CTXND2: variants seen among roughly 807,000 people sequenced by gnomAD.
CTXND2 encodes the protein cortexin domain containing 2.
At chr1:150,896,827 C>T (rs765493870) in intron 1 of CTXND2, among the ~76,000 whole-genome samples, 6 of 152,098 alleles carry the variant, frequency 3.9e-5, no homozygotes, top group Non-Finnish European at 7.3e-5. Flanking sequence ...GATCCCTACT[C>T]TCATAAAGGA....
At chr1:150,895,445 G>A (rs1388665182) in intron 1 of CTXND2, among the ~76,000 whole-genome samples, 1 of 151,958 alleles carries the variant, frequency 6.6e-6, no homozygotes, top group Non-Finnish European at 1.5e-5. Flanking sequence ...TCAGGTTCAA[G>A]TGATCTTCCT....
At chr1:150,896,297 T>G (rs769325976) in intron 1 of CTXND2, among the ~76,000 whole-genome samples, 1 of 152,194 alleles carries the variant, frequency 6.6e-6, no homozygotes, top group Non-Finnish European at 1.5e-5. Context: ...AATCACTGGA[T>G]TCAGCCATAG....
At chr1:150,904,281 A>C in intron 1 of CTXND2, 1 of 462,526 alleles carries the variant, frequency 2.2e-6, no homozygotes, top group Non-Finnish European at 4.2e-6. Context: ...ACCATACTTT[A>C]ACAGAGCTTA....
intron 1 of CTXND2, among the ~76,000 whole-genome samples, chr1:150,889,823 C>T (rs587683325): frequency 1.2e-4 from 18 of 152,126 alleles, no homozygotes; most frequent in African/African-American, 4.1e-4. Context: ...TTCATGTAGA[C>T]GTATTAAATA....
chr1:150,897,850 T>C (rs1381653836), intron 1 of CTXND2, among the ~76,000 whole-genome samples: 1 of 152,214 alleles, frequency 6.6e-6, no homozygotes, highest in Non-Finnish European at 1.5e-5. Context: ...TTTTCTCTCA[T>C]CCTAGGTCTT....
At chr1:150,902,531 G>A (rs982741774) in intron 1 of CTXND2, among the ~76,000 whole-genome samples, 16 of 152,134 alleles carry the variant, frequency 1.1e-4, no homozygotes, top group Non-Finnish European at 2.1e-4. Flanking sequence ...TCGTGCCACT[G>A]CATTCCAGCC....
intron 1 of CTXND2, among the ~76,000 whole-genome samples, chr1:150,905,310 G>A (rs1669120933): frequency 6.6e-6 from 1 of 151,652 alleles, no homozygotes; most frequent in South Asian, 2.1e-4. Context: ...TGCCCAGCTA[G>A]TTTTTGTATT....
intron 1 of CTXND2, among the ~76,000 whole-genome samples, chr1:150,888,489 A>T (rs896188630): frequency 9.9e-5 from 15 of 151,822 alleles, no homozygotes; most frequent in Admixed American, 9.2e-4. Context: ...AAGTGTTGGG[A>T]TTACAGGGGT....
At chr1:150,893,275 GTGAA>G (rs1668875581) in intron 1 of CTXND2, among the ~76,000 whole-genome samples, 1 of 152,084 alleles carries the variant, frequency 6.6e-6, no homozygotes, top group South Asian at 2.1e-4. Context: ...AATGACGTCT[GTGAA>G]TAGTAAACTT....
intron 1 of CTXND2, chr1:150,904,014 A>G: frequency 1.5e-6 from 1 of 652,454 alleles, no homozygotes; most frequent in Non-Finnish European, 2.9e-6. Flanking sequence ...TTCAGTCAGA[A>G]GACAGGTCAG....
intron 1 of CTXND2, among the ~76,000 whole-genome samples, chr1:150,891,211 C>CTTTTTTTT (rs71090104): frequency 6.7e-6 from 1 of 148,174 alleles, no homozygotes; most frequent in Non-Finnish European, 1.5e-5. Context: ...TCTTTTCTTT[C>CTTTTTTTT]TTTTTTTTTT....
intron 1 of CTXND2, among the ~76,000 whole-genome samples, chr1:150,896,747 T>C (rs1668918220): frequency 6.6e-6 from 1 of 152,198 alleles, no homozygotes; most frequent in South Asian, 2.1e-4. Flanking sequence ...AGGGCTACAT[T>C]CATTCACTGA....
At chr1:150,903,050 A>C (rs587702530) in intron 1 of CTXND2, among the ~76,000 whole-genome samples, 34 of 152,240 alleles carry the variant, frequency 2.2e-4, no homozygotes, top group African/African-American at 6.5e-4. Flanking sequence ...CCCTCTTTGG[A>C]ACATAGGGCT....
chr1:150,904,619 C>T (rs1361727705), intron 1 of CTXND2, among the ~76,000 whole-genome samples: 1 of 152,078 alleles, frequency 6.6e-6, no homozygotes, highest in Non-Finnish European at 1.5e-5. Flanking sequence ...GCAAGATTCA[C>T]CTGTGTTTTG....
intron 1 of CTXND2, among the ~76,000 whole-genome samples, chr1:150,906,674 G>A (rs1669151690): frequency 6.6e-6 from 1 of 152,168 alleles, no homozygotes; most frequent in African/African-American, 2.4e-5. Context: ...TGCTGGCAGG[G>A]TTTATAGGTA....
At chr1:150,903,803 A>G (rs587602315) in intron 1 of CTXND2, 12 of 389,250 alleles carry the variant, frequency 3.1e-5, no homozygotes, top group Non-Finnish European at 5.9e-5. Context: ...TCCGTCTCAA[A>G]AAAAAAAAAA....
At chr1:150,890,028 C>T (rs1279783619) in intron 1 of CTXND2, among the ~76,000 whole-genome samples, 2 of 152,078 alleles carry the variant, frequency 1.3e-5, no homozygotes, top group African/African-American at 4.8e-5. Context: ...CTTGCCCTGA[C>T]TTTCAAGGTT....
intron 1 of CTXND2, among the ~76,000 whole-genome samples, chr1:150,890,336 T>TA (rs1668831285): frequency 6.6e-6 from 1 of 152,116 alleles, no homozygotes; most frequent in African/African-American, 2.4e-5. Flanking sequence ...TGGCTCAAGG[T>TA]AAAAAATTAC....
At chr1:150,892,860 C>G (rs80081400) in intron 1 of CTXND2, among the ~76,000 whole-genome samples, 1 of 152,026 alleles carries the variant, frequency 6.6e-6, no homozygotes, top group Admixed American at 6.6e-5. Flanking sequence ...TATCCTTGAG[C>G]CTTTGAGTTC....
Sources: gnomAD v4.1 joint callset for allele counts (sites outside exome capture counted in the v4.1 genomes callset) on GRCh38, gnomAD v4.1.1 for gene constraint, MANE v1.5 for transcripts, NCBI Gene and HGNC (gene_info 2026-07-23, HGNC 2026-07-21) for gene names.